The following ATXN8OS variants were observed in gnomAD, a reference collection of about 807,000 sequenced individuals.
The protein encoded by ATXN8OS is ATXN8 opposite strand lncRNA.
chr13:70,137,731 G>A (rs915381690), intron 3 of ATXN8OS, among the ~76,000 whole-genome samples: 1 of 152,166 alleles, frequency 6.6e-6, no homozygotes, highest in Non-Finnish European at 1.5e-5. Context: ...TGTGATAACT[G>A]CTGTGATATT....
chr13:70,120,893 G>T (rs1888350974), intron 2 of ATXN8OS, among the ~76,000 whole-genome samples: 1 of 150,344 alleles, frequency 6.7e-6, no homozygotes, highest in South Asian at 2.1e-4. Context: ...GACGCAGGAA[G>T]GGGAACATCA....
At chr13:70,131,155 T>C (rs927403426) in intron 3 of ATXN8OS, 1 of 398,400 alleles carries the variant, frequency 2.5e-6, no homozygotes, top group Non-Finnish European at 4.4e-6. Flanking sequence ...TAAGCAGGAA[T>C]GGTGTCCTAA....
chr13:70,121,834 G>A (rs1334910284), intron 2 of ATXN8OS, among the ~76,000 whole-genome samples: 2 of 151,958 alleles, frequency 1.3e-5, no homozygotes, highest in Admixed American at 1.3e-4. Flanking sequence ...GCACACCATG[G>A]GAAAAGCAAG....
intron 4 of ATXN8OS, among the ~76,000 whole-genome samples, chr13:70,158,356 T>C (rs1359531553): frequency 6.6e-6 from 1 of 152,192 alleles, no homozygotes; most frequent in African/African-American, 2.4e-5. Context: ...AGGCGGAGCT[T>C]GCAATGAGCC....
intron 3 of ATXN8OS, among the ~76,000 whole-genome samples, chr13:70,145,705 T>A (rs936455971): frequency 6.6e-6 from 1 of 152,154 alleles, no homozygotes; most frequent in Non-Finnish European, 1.5e-5. Context: ...TGATTTTGTA[T>A]CCTGAGACTT....
At chr13:70,111,169 G>A (rs1392994345) in intron 1 of ATXN8OS, among the ~76,000 whole-genome samples, 2 of 152,148 alleles carry the variant, frequency 1.3e-5, no homozygotes, top group African/African-American at 4.8e-5. Flanking sequence ...CTTCGCATAA[G>A]TATTAAGTCA....
chr13:70,118,898 T>A lies in ATXN8OS; in HGVS notation n.398+3600T>A, dbSNP rs1423985029. 7.9e-5 allele frequency among the ~76,000 whole-genome samples: 12 copies of A among 151,758 alleles called. No homozygotes were observed. The East Asian group carries it at 1.9e-3, about 25-fold the overall frequency. On this transcript the variant is annotated intron_variant and non_coding_transcript_variant, in intron 2 of 4. Coordinates refer to ENST00000678624, the Ensembl canonical transcript of ATXN8OS. ...CCCAGGCTGGAGTGCAGTGGCACAA[T>A]CTTGGCTCAGATATATACTTTTATA...
At chr13:70,169,601 T>C (rs1053398030) in intron 4 of ATXN8OS, among the ~76,000 whole-genome samples, 4 of 152,066 alleles carry the variant, frequency 2.6e-5, no homozygotes, top group African/African-American at 9.7e-5. Flanking sequence ...CCAGAAAACA[T>C]TTAATCTTTG....
chr13:70,121,153 G>C (rs1888355409), intron 2 of ATXN8OS, among the ~76,000 whole-genome samples: 1 of 151,594 alleles, frequency 6.6e-6, no homozygotes, highest in Non-Finnish European at 1.5e-5. Context: ...AATAGAATAA[G>C]AGATAGAAAA....
At chr13:70,152,303 TTA>T (rs1357314222) in intron 4 of ATXN8OS, among the ~76,000 whole-genome samples, 2 of 151,964 alleles carry the variant, frequency 1.3e-5, no homozygotes, top group African/African-American at 4.8e-5. Flanking sequence ...TTAGCACTAT[TTA>T]TGTTTTCTTT....
chr13:70,139,380 A>ACTGCTGCTGCTG (rs752810956), intron 3 of ATXN8OS: 10,824 of 575,684 alleles, frequency 0.019, 93 homozygotes, highest in East Asian at 0.044. Flanking sequence ...TACTACTACT[A>ACTGCTGCTGCTG]CTACTGCTGC....
intron 2 of ATXN8OS, among the ~76,000 whole-genome samples, chr13:70,127,832 A>G (rs1227781981): frequency 6.6e-6 from 1 of 151,938 alleles, no homozygotes; most frequent in African/African-American, 2.4e-5. Context: ...AGGCTAACTT[A>G]TTCAAGCAGA....
At chr13:70,126,904 T>C (rs982405824) in intron 2 of ATXN8OS, among the ~76,000 whole-genome samples, 1 of 151,626 alleles carries the variant, frequency 6.6e-6, no homozygotes, top group Non-Finnish European at 1.5e-5. Flanking sequence ...TAACTCTGTA[T>C]CTGTAACCTC....
rs534341356 is a variant in ATXN8OS, at chr13:70,141,656, G to A, written n.500-5699G>A. On this transcript the variant is annotated intron_variant and non_coding_transcript_variant, in intron 3 of 4. Coordinates refer to ENST00000678624, the Ensembl canonical transcript of ATXN8OS. ...ACCATTTCACTCTCTTAACTTTAAA[G>A]TGTTGTTTTGTTACTTTTTGCCCCA... Among the ~76,000 whole-genome samples the A allele has an allele frequency of 1.2e-4, 18 of 151,914 alleles. No individual in the cohort carries two copies. The East Asian group carries it at 2.7e-3, about 23-fold the overall frequency.
intron 3 of ATXN8OS, chr13:70,131,016 A>C (rs1477373318): frequency 5.0e-6 from 2 of 398,410 alleles, no homozygotes; most frequent in Non-Finnish European, 8.8e-6. Flanking sequence ...GAATATCTTA[A>C]AGAGAGTTAG....
intron 2 of ATXN8OS, among the ~76,000 whole-genome samples, chr13:70,119,845 T>C (rs1386560938): frequency 6.6e-6 from 1 of 152,092 alleles, no homozygotes; most frequent in African/African-American, 2.4e-5. Flanking sequence ...TTATGAAACA[T>C]GAATGAATTT....
intron 1 of ATXN8OS, among the ~76,000 whole-genome samples, chr13:70,112,095 C>T (rs957710252): frequency 6.6e-6 from 1 of 152,112 alleles, no homozygotes. Flanking sequence ...GAAGCAGGCA[C>T]GTCCTACGTG....
chr13:70,113,145 C>G (rs1360653045), intron 1 of ATXN8OS, among the ~76,000 whole-genome samples: 1 of 151,806 alleles, frequency 6.6e-6, no homozygotes, highest in Non-Finnish European at 1.5e-5. Context: ...TGGTCTCAAA[C>G]TCCTGACGCT....
chr13:70,128,928 C>T (rs994729377), intron 2 of ATXN8OS, among the ~76,000 whole-genome samples: 1 of 151,690 alleles, frequency 6.6e-6, no homozygotes. Context: ...TGGCGCAATC[C>T]CAGCTCACTG....
Sources: allele counts gnomAD v4.1 joint callset (sites outside exome capture counted in the v4.1 genomes callset), GRCh38; gene constraint gnomAD v4.1.1; transcripts MANE v1.5; gene names NCBI Gene and HGNC (gene_info 2026-07-23, HGNC 2026-07-21).